UBXN10: variants seen among roughly 807,000 people sequenced by gnomAD.
UBXN10 encodes UBX domain-containing protein 10.
UBXN10 carries 6 observed loss-of-function variants against 6.9 expected under a neutral mutation model. The ratio of observed to expected loss-of-function variants is 0.87; its 90% CI spans 0.48 to 1.72. The LOEUF (loss-of-function observed/expected upper bound fraction) is 1.72, where lower values mean the gene tolerates loss of function less well. UBXN10 is among the 40% of genes most tolerant of loss of function. The pLI is 0.01. For synonymous variants in UBXN10, 131 were observed against 135.2 expected, an observed-to-expected ratio of 0.97 and a Z score of 0.21; for missense variants, 317 against 348.4, an observed-to-expected ratio of 0.91 and a Z score of 0.72.
upstream of UBXN10, among the ~76,000 whole-genome samples, chr1:20,183,782 A>G (rs903724568): frequency 2.6e-5 from 4 of 152,176 alleles, no homozygotes; most frequent in African/African-American, 9.6e-5. Flanking sequence ...GACACTGGAG[A>G]TGAAAAAGCT....
Position 20,190,768 on chromosome 1 carries a change from C to G in UBXN10, c.207C>G (p.Ala69=), listed in dbSNP as rs764427572. Residue 69 remains alanine (A), a synonymous_variant, in exon 2 of 2, where the codon GCC becomes GCG. Coordinates refer to ENST00000375099, the MANE Select transcript of UBXN10 (RefSeq NM_152376.5). ...ATCATATACCATCTCCGCCTCCAGC[C>G]ATTCCCTATGAGTTGCCAAGCAGCC... The part of the protein sequence containing the change: ...CAHHIPSPPP[A]IPYELPSSQK... 29 of 1,613,924 alleles carry G rather than the reference C, an allele frequency of 1.8e-5. No homozygotes were observed. The highest frequency in any genetic ancestry group is 2.4e-5 in the Non-Finnish European group (28 of 1,180,036).
chr1:20,191,184 G>T lies in UBXN10; in HGVS notation c.623G>T (p.Gly208Val). 6.2e-7 allele frequency: 1 copy of T among 1,614,190 alleles called. No individual in the cohort carries two copies. Among genetic ancestry groups the T allele is most frequent in the Non-Finnish European group, 8.5e-7 (1 of 1,180,046 alleles). Residue 208 changes from glycine (G) to valine (V), a missense_variant, in exon 2 of 2, where the codon GGC (glycine) becomes GTC (valine). By Grantham distance (109) the Gly-to-Val change is moderately radical. Coordinates refer to ENST00000375099, the MANE Select transcript of UBXN10 (RefSeq NM_152376.5). This position sits in a 1 kb window ranked among gnomAD's most constrained non-coding sequence, Gnocchi z 4.5. The stretch of plus-strand genomic sequence containing the variant: ...CTGCTTGCTGTTAGATCACCAACAG[G>T]CCAAAGGTTTGTACGCCATTTCCGG... ...RLLLAVRSPT[G>V]QRFVRHFRPT...
chr1:20,191,501 A>G lies in UBXN10; in HGVS notation c.*97A>G, dbSNP rs2018502139. The G allele has an allele frequency of 6.6e-7, 1 of 1,518,706 alleles. No homozygotes were observed. The highest frequency in any genetic ancestry group is 1.4e-5 in the African/African-American group (1 of 71,876). 94.1% of individuals were successfully genotyped at this position (1,518,706 alleles called of 1,614,324 possible). ...GCAGCCTGTTTCAAGTGCCATGTGGACCTGGTGCAGCTGGGAAGCTTGGGA... is the reference window on the plus strand; with the variant it reads ...GCAGCCTGTTTCAAGTGCCATGTGGGCCTGGTGCAGCTGGGAAGCTTGGGA... On this transcript the variant is annotated 3_prime_UTR_variant, in exon 2 of 2. Transcript: ENST00000375099. The surrounding 1 kb of genome is among the most constrained non-coding windows in gnomAD (Gnocchi z 4.5).
rs2018475323 is a variant in UBXN10 at position 20,190,601 on chromosome 1, T to TGTA, written c.42_44dup (p.Ser15dup). The TGTA allele has an allele frequency of 6.2e-7, 1 of 1,613,944 alleles. No homozygotes were observed. ...CCCTGTGAATATAGCACCACCTGAGTGTAGCACTGTTGTCAGCACAGCAGT... is the reference window on the plus strand; with the variant it reads ...CCCTGTGAATATAGCACCACCTGAGTGTAGTAGCACTGTTGTCAGCACAGCAGT... On this transcript the variant is annotated inframe_insertion, in exon 2 of 2. Coordinates refer to ENST00000375099, the MANE Select transcript of UBXN10 (RefSeq NM_152376.5).
At chr1:20,189,462 G>A (rs151337400) in intron 1 of UBXN10, among the ~76,000 whole-genome samples, 9 of 152,200 alleles carry the variant, frequency 5.9e-5, no homozygotes, top group East Asian at 3.9e-4. Context: ...TAGCAATTCC[G>A]GGTCTGCACA....
intron 1 of UBXN10, among the ~76,000 whole-genome samples, chr1:20,190,332 A>G (rs1176864445): frequency 1.3e-5 from 2 of 152,136 alleles, no homozygotes; most frequent in African/African-American, 2.4e-5. Context: ...TTTCCTCACT[A>G]TAATAATTTA....
rs2018530602 is a variant in UBXN10, at chr1:20,192,720, T to C, written c.*1316T>C. 6.0e-6 allele frequency: 1 copy of C among 167,024 alleles called. No individual in the cohort carries two copies. Among genetic ancestry groups the C allele is most frequent in the African/African-American group, 2.4e-5 (1 of 41,416 alleles). The allele number at this position is 167,024 out of a possible 1,614,324, so 10.3% of individuals were successfully genotyped here. A position where few individuals can be genotyped will look rare whatever the true frequency, so the allele number is the denominator to read the frequency against. ...CAAAGTCCTGAGTTCTGGTGTGTGCTCCCGCCTCCTGGGTATACAGAGAGA... is the reference window on the plus strand; with the variant it reads ...CAAAGTCCTGAGTTCTGGTGTGTGCCCCCGCCTCCTGGGTATACAGAGAGA... On this transcript the variant is annotated 3_prime_UTR_variant, in exon 2 of 2. Transcript: ENST00000375099.
At position 20,193,629 on chromosome 1, in the gene UBXN10, C is replaced by T. The variant is rs2018547979; in HGVS notation, c.*2225C>T. The T allele has an allele frequency of 1.2e-5, 2 of 167,000 alleles. No individual in the cohort carries two copies. The highest frequency in any genetic ancestry group is 4.8e-5 in the African/African-American group (2 of 41,408). 10.3% of individuals were successfully genotyped at this position (167,000 alleles called of 1,614,324 possible). On this transcript the variant is annotated 3_prime_UTR_variant, in exon 2 of 2. Transcript: ENST00000375099. ...TTTTCTCATTGGGAAAGCACTTGTT[C>T]CACTGTTAGAACCAAGTCCTCCTCC...
rs2018590105 is a variant in UBXN10 at position 20,195,998 on chromosome 1, A to C, written c.*4594A>C. 1 of 166,786 alleles carries C rather than the reference A, an allele frequency of 6.0e-6. No homozygotes were observed. The highest frequency in any genetic ancestry group is 2.1e-4 in the South Asian group (1 of 4,826). 10.3% of individuals were successfully genotyped at this position (166,786 alleles called of 1,614,324 possible). On this transcript the variant is annotated 3_prime_UTR_variant, in exon 2 of 2. Transcript: ENST00000375099. Reference sequence around the variant, plus strand: ...GGGATGCATTTCTTCTTGGGAAGGCAAACAAAGCCATCATTCTGGGGCTTA... The same window carrying C: ...GGGATGCATTTCTTCTTGGGAAGGCCAACAAAGCCATCATTCTGGGGCTTA...
rs558795579 is a variant in UBXN10 at position 20,193,536 on chromosome 1, G to T, written c.*2132G>T. The T allele has an allele frequency of 6.0e-6, 1 of 167,108 alleles. No homozygotes were observed. The highest frequency in any genetic ancestry group is 1.5e-5 in the Non-Finnish European group (1 of 68,112). The allele number at this position is 167,108 out of a possible 1,614,324, so 10.4% of individuals were successfully genotyped here. A position where few individuals can be genotyped will look rare whatever the true frequency, so the allele number is the denominator to read the frequency against. ...CTGAGTCAGTGGAGAAGTGCATCTC[G>T]TATTTTAACCTAAGGCTTCAGCTCC... On this transcript the variant is annotated 3_prime_UTR_variant, in exon 2 of 2. Coordinates refer to ENST00000375099, the MANE Select transcript of UBXN10 (RefSeq NM_152376.5).
chr1:20,185,651 G>C (rs72663014), upstream of UBXN10, among the ~76,000 whole-genome samples: 1,631 of 152,294 alleles, frequency 0.011, 23 homozygotes, highest in Middle Eastern at 0.02. Flanking sequence ...CCTGCTCCCC[G>C]CAACTCAGAT....
chr1:20,189,727 CAAAAAAGAAAAAGA>C lies in UBXN10; in HGVS notation c.-15-795_-15-782del, dbSNP rs368047678. ...TGAGTGATGGAGTGAGACTCTGTCT[CAAAAAAGAAAAAGA>C]AAAAAAGAAAAAGAAAAAAAGAAAT... On this transcript the variant is annotated intron_variant, in intron 1 of 1. Transcript: ENST00000375099. Among the ~76,000 whole-genome samples, 1,377 of 150,440 alleles carry C rather than the reference CAAAAAAGAAAAAGA, an allele frequency of 9.2e-3. 21 individuals are homozygous for C. Among genetic ancestry groups the C allele is most frequent in the African/African-American group, 0.03 (1,226 of 40,898 alleles).
rs2018457027 is a variant in UBXN10 at position 20,189,647 on chromosome 1, G to A, written c.-15-900G>A. Among the ~76,000 whole-genome samples, 3 of 152,172 alleles carry A rather than the reference G, an allele frequency of 2.0e-5. No individual in the cohort carries two copies. The South Asian group carries it at 6.2e-4, about 32-fold the overall frequency. ...GGAGGCTGAGGCACAAGAATTGCTT[G>A]AACCTGGGAGGCGGAGATTGCAATG... is the stretch of plus-strand genomic sequence containing the variant. On this transcript the variant is annotated intron_variant, in intron 1 of 1. Coordinates refer to ENST00000375099, the MANE Select transcript of UBXN10 (RefSeq NM_152376.5).
chr1:20,189,845 C>T (rs993830722), intron 1 of UBXN10, among the ~76,000 whole-genome samples: 2 of 152,222 alleles, frequency 1.3e-5, no homozygotes, highest in East Asian at 1.9e-4. Context: ...GACACAGGAT[C>T]GGGTGTCACA....
At chr1:20,189,106 C>T (rs576084600) in intron 1 of UBXN10, among the ~76,000 whole-genome samples, 1 of 152,050 alleles carries the variant, frequency 6.6e-6, no homozygotes, top group Non-Finnish European at 1.5e-5. Context: ...AGTGATTGCC[C>T]CTTGATCAGG....
Position 20,191,398 on chromosome 1 carries a change from G to A in UBXN10, c.837G>A (p.Trp279Ter), listed in dbSNP as rs747745417. ...LGISLEDGEGWP is the reference protein window; with the variant it reads ...LGISLEDGEG ...TCTCACTGGAAGATGGGGAAGGGTG[G>A]CCCTGAGTCCACAGCCACCCAGCTG... is the stretch of plus-strand genomic sequence containing the variant. Residue 279 changes from tryptophan to a stop codon, truncating the protein, a stop_gained, in exon 2 of 2, where the codon TGG becomes TGA. Coordinates refer to ENST00000375099, the MANE Select transcript of UBXN10 (RefSeq NM_152376.5). LOFTEE classifies it high-confidence loss of function. The surrounding 1 kb of genome is among the most constrained non-coding windows in gnomAD (Gnocchi z 4.5). 2 of 1,608,010 alleles carry A rather than the reference G, an allele frequency of 1.2e-6. No individual in the cohort carries two copies. The highest frequency in any genetic ancestry group is 1.7e-6 in the Non-Finnish European group (2 of 1,175,320).
intron 1 of UBXN10, among the ~76,000 whole-genome samples, chr1:20,188,100 G>A (rs538027756): frequency 3.3e-5 from 5 of 152,352 alleles, no homozygotes; most frequent in African/African-American, 1.2e-4. Context: ...GCCATCCTGA[G>A]TGAAAGTGCA....
At chr1:20,190,137 C>G (rs1029714281) in intron 1 of UBXN10, among the ~76,000 whole-genome samples, 25 of 152,080 alleles carry the variant, frequency 1.6e-4, no homozygotes, top group Non-Finnish European at 7.4e-5. Context: ...ATTTCAGAGT[C>G]CAAAAATGAA....
At position 20,191,534 on chromosome 1, in the gene UBXN10, C is replaced by G; in HGVS notation, c.*130C>G. ...CAGCTGGGAAGCTTGGGACTCTCGTCTGCACTGCGTGTCCTCTGAAGCAGT... is the reference window on the plus strand; with the variant it reads ...CAGCTGGGAAGCTTGGGACTCTCGTGTGCACTGCGTGTCCTCTGAAGCAGT... On this transcript the variant is annotated 3_prime_UTR_variant, in exon 2 of 2. Transcript: ENST00000375099. The surrounding 1 kb of genome is among the most constrained non-coding windows in gnomAD (Gnocchi z 4.5). 1.4e-6 allele frequency: 2 copies of G among 1,397,704 alleles called. No individual in the cohort carries two copies. The highest frequency in any genetic ancestry group is 1.9e-6 in the Non-Finnish European group (2 of 1,034,944). 86.6% of individuals were successfully genotyped at this position (1,397,704 alleles called of 1,614,324 possible). A position where few individuals can be genotyped will look rare whatever the true frequency, so the allele number is the denominator to read the frequency against.
Sources: allele counts gnomAD v4.1 joint callset (sites outside exome capture counted in the v4.1 genomes callset), GRCh38; gene constraint gnomAD v4.1.1; non-coding constraint Gnocchi (gnomAD v3.1); transcripts MANE v1.5; gene names NCBI Gene and HGNC (gene_info 2026-07-23, HGNC 2026-07-21).